MYG1: variants seen among roughly 807,000 people sequenced by gnomAD.
MYG1 encodes MYG1 exonuclease, also known as UPF0160 protein MYG1, mitochondrial.
Under a neutral mutation model 43.5 loss-of-function variants are expected in MYG1, and 36 were observed. The observed-to-expected ratio is 0.83, with a 90% CI of 0.63 to 1.09. The LOEUF (loss-of-function observed/expected upper bound fraction) is 1.09. Ranked by LOEUF, MYG1 falls within the 50% of genes least tolerant of loss-of-function variation. The pLI, the probability that MYG1 is intolerant of heterozygous loss-of-function variation, is 0.00. For missense variants in MYG1, 529 were observed against 495.1 expected, an observed-to-expected ratio of 1.07 and a Z score of -0.65; for synonymous variants, 220 against 202.8, an observed-to-expected ratio of 1.08 and a Z score of -0.72.
Position 53,299,806 on chromosome 12 carries a change from C to G in MYG1, c.69C>G (p.His23Gln), listed in dbSNP as rs772285267. 2.5e-6 allele frequency: 4 copies of G among 1,614,164 alleles called. No homozygotes were observed. Among genetic ancestry groups the G allele is most frequent in the Non-Finnish European group, 3.4e-6 (4 of 1,180,014 alleles). The change falls in exon 1 of 7, where the codon CAC becomes CAG. Residue 23 changes from histidine to glutamine, a missense_variant. Coordinates refer to ENST00000267103, the MANE Select transcript of MYG1 (RefSeq NM_021640.4). Reference protein sequence around the residue: ...LLPPPPLYTRHRMLGPESVPP... With the variant: ...LLPPPPLYTRQRMLGPESVPP... ...CGCCGCCACCCCTGTATACCCGGCA[C>G]CGCATGCTCGGTCCAGAGTCCGTCC...
Position 53,306,716 on chromosome 12 carries a change from G to A in MYG1, c.802G>A (p.Gly268Ser), listed in dbSNP as rs1944286479. Reference protein sequence around the residue: ...PSGEIVELAKGACPWKEHLYH... With the variant: ...PSGEIVELAKSACPWKEHLYH... Reference sequence around the variant, plus strand: ...TGGAGAGATTGTGGAACTGGCGAAAGGTGCATGTCCCTGGAAGGAGCATCT... The same window carrying A: ...TGGAGAGATTGTGGAACTGGCGAAAAGTGCATGTCCCTGGAAGGAGCATCT... Residue 268 changes from glycine to serine, a missense_variant, in exon 6 of 7, where the codon GGT (glycine) becomes AGT (serine). Coordinates refer to ENST00000267103, the MANE Select transcript of MYG1 (RefSeq NM_021640.4). The A allele has an allele frequency of 3.7e-6, 6 of 1,614,118 alleles. No homozygotes were observed. Among genetic ancestry groups the A allele is most frequent in the Non-Finnish European group, 5.1e-6 (6 of 1,179,984 alleles).
rs780442627 is a variant in MYG1, at chr12:53,300,220, G to A, written c.287G>A (p.Gly96Asp). The change falls in exon 2 of 7, where the codon GGC becomes GAC. Residue 96 changes from glycine to aspartate, a missense_variant. Gly to Asp is a moderately conservative substitution (Grantham distance 94). Transcript: ENST00000267103. ...ASCDIVVDVG[G>D]EYDPRRHRYD... is the part of the protein sequence containing the mutation. ...TGTGACATCGTGGTGGACGTGGGGG[G>A]CGAGTACGACCCTCGGAGACACCGA... 1.9e-6 allele frequency: 3 copies of A among 1,604,022 alleles called. No homozygotes were observed. Among genetic ancestry groups the A allele is most frequent in the African/African-American group, 1.3e-5 (1 of 74,572 alleles).
rs1019734781 is a variant in MYG1 at position 53,299,697 on chromosome 12, C to A, written c.-41C>A. On this transcript the variant is annotated 5_prime_UTR_variant, in exon 1 of 7. Transcript: ENST00000267103. ...AAGTGGGGCTGCGCTGGCGCTTCCT[C>A]TTCCGGGTCGGCGCTCCTGCCTCCC... 7 of 1,555,814 alleles carry A rather than the reference C, an allele frequency of 4.5e-6. No homozygotes were observed. Among genetic ancestry groups the A allele is most frequent in the South Asian group, 1.2e-5 (1 of 86,838 alleles).
At chr12:53,304,816 AAACT>A (rs1944258692) in intron 3 of MYG1, among the ~76,000 whole-genome samples, 1 of 1,514 alleles carries the variant, frequency 6.6e-4, no homozygotes, top group Non-Finnish European at 8.5e-3. Context: ...CTGGACTCAA[AAACT>A]CCTGGGCTCA....
chr12:53,301,043 C>T (rs1172584751), intron 2 of MYG1, among the ~76,000 whole-genome samples: 2 of 152,046 alleles, frequency 1.3e-5, no homozygotes, highest in African/African-American at 4.8e-5. Flanking sequence ...TCTCAGCCTC[C>T]CGAGTAGCTG....
intron 3 of MYG1, among the ~76,000 whole-genome samples, chr12:53,304,859 A>ATTTTT (rs1944259027): frequency 2.8e-5 from 3 of 108,000 alleles, no homozygotes; most frequent in African/African-American, 1.1e-4. Context: ...GCCTAAACCC[A>ATTTTT]TGTTTTTTTT....
intron 2 of MYG1, 33 bp from the exon 3 acceptor site, chr12:53,303,001 C>T: frequency 6.4e-7 from 1 of 1,557,178 alleles, no homozygotes; most frequent in Non-Finnish European, 8.7e-7. Context: ...GCCAAGGTCC[C>T]TCACCTCAGC....
intron 2 of MYG1, among the ~76,000 whole-genome samples, chr12:53,300,904 G>A (rs1944225131): frequency 6.6e-6 from 1 of 151,546 alleles, no homozygotes; most frequent in Non-Finnish European, 1.5e-5. Context: ...TTTCTTCTCT[G>A]GGATTCTTTT....
intron 1 of MYG1, 83 bp from the exon 2 acceptor site, chr12:53,300,067 A>G: frequency 1.3e-6 from 2 of 1,520,736 alleles, no homozygotes; most frequent in South Asian, 2.4e-5. Flanking sequence ...CACCCTTCCT[A>G]CCCTTCCTGC....
In MYG1 at chr12:53,307,114, T is replaced by G; in HGVS notation, c.1096T>G (p.Leu366Val). The change falls in exon 7 of 7, where the codon TTG becomes GTG. Residue 366 changes from leucine to valine, a missense_variant. Transcript: ENST00000267103. ...EGALSMARATLAQRSYLPQIS is the reference protein window; with the variant it reads ...EGALSMARATVAQRSYLPQIS ...TGCCTTGAGCATGGCCCGTGCCACC[T>G]TGGCCCAGCGCTCATACCTCCCACA... 1 of 1,613,586 alleles carries G rather than the reference T, an allele frequency of 6.2e-7. No homozygotes were observed. Among genetic ancestry groups the G allele is most frequent in the Non-Finnish European group, 8.5e-7 (1 of 1,179,686 alleles).
At chr12:53,300,479 G>T (rs1430293959) in intron 2 of MYG1, among the ~76,000 whole-genome samples, 1 of 152,078 alleles carries the variant, frequency 6.6e-6, no homozygotes, top group Non-Finnish European at 1.5e-5. Context: ...AGTCCCTCAG[G>T]CCCCTTATCT....
rs1197068009 is a variant in MYG1, at chr12:53,307,036, T to A, written c.1018T>A (p.Cys340Ser). ...GGACCAGGTCAGTGGGATCCCTGGCTGCATCTTCGTCCATGCAAGCGGCTT... is the reference window on the plus strand; with the variant it reads ...GGACCAGGTCAGTGGGATCCCTGGCAGCATCTTCGTCCATGCAAGCGGCTT... ...ALDQVSGIPG[C>S]IFVHASGFTG... The change falls in exon 7 of 7, where the codon TGC (cysteine) becomes AGC (serine). Residue 340 changes from cysteine to serine, a missense_variant. Physicochemically the swap from Cys to Ser is moderately radical, Grantham distance 112. Coordinates refer to ENST00000267103, the MANE Select transcript of MYG1 (RefSeq NM_021640.4). The A allele has an allele frequency of 8.7e-6, 14 of 1,614,146 alleles. No homozygotes were observed. The highest frequency in any genetic ancestry group is 1.3e-5 in the African/African-American group (1 of 74,960).
chr12:53,301,770 C>T (rs1454471458), intron 2 of MYG1, among the ~76,000 whole-genome samples: 1 of 152,120 alleles, frequency 6.6e-6, no homozygotes, highest in African/African-American at 2.4e-5. Flanking sequence ...CTCACTGCAA[C>T]CTCCGTCTGC....
In MYG1 at chr12:53,299,840, A is replaced by G. The variant is rs776620926; in HGVS notation, c.103A>G (p.Lys35Glu). ...CGGTCCAGAGTCCGTCCCGCCCCCAAAACGATCCCGCAGCAAACTCATGGC... is the reference window on the plus strand; with the variant it reads ...CGGTCCAGAGTCCGTCCCGCCCCCAGAACGATCCCGCAGCAAACTCATGGC... ...MLGPESVPPP[K>E]RSRSKLMAPP... The change falls in exon 1 of 7, where the codon AAA becomes GAA. Residue 35 changes from lysine to glutamate, a missense_variant. Transcript: ENST00000267103. 2.7e-5 allele frequency: 44 copies of G among 1,613,932 alleles called. No individual in the cohort carries two copies. The highest frequency in any genetic ancestry group is 3.3e-5 in the Non-Finnish European group (39 of 1,179,994).
In MYG1 at chr12:53,306,966, G is replaced by C; in HGVS notation, c.948G>C (p.Arg316=). Residue 316 remains arginine (R), a splice_region_variant and synonymous_variant, in exon 7 of 7, where the codon CGG becomes CGC. Transcript: ENST00000267103. The stretch of plus-strand genomic sequence containing the variant: ...TGCTGTACTCCCTCTTTCTGCCCAG[G>C]CTGCCCCTGCCAGAGCCATGGCGGG... The part of the protein sequence containing the change: ...VPKEPHSFQS[R]LPLPEPWRGL... 6.2e-7 allele frequency: 1 copy of C among 1,613,188 alleles called. No homozygotes were observed. The highest frequency in any genetic ancestry group is 1.1e-5 in the South Asian group (1 of 90,992).
At chr12:53,306,497 C>T in intron 5 of MYG1, 177 bp downstream of exon 5, 1 of 1,066,710 alleles carries the variant, frequency 9.4e-7, no homozygotes. Flanking sequence ...GCACACACCA[C>T]CTCACCCAGC....
At chr12:53,306,506 G>C (rs1944283355) in intron 5 of MYG1, 174 bp from the exon 6 acceptor site, 2 of 1,072,030 alleles carry the variant, frequency 1.9e-6, no homozygotes, top group East Asian at 2.5e-5. Flanking sequence ...ACCTCACCCA[G>C]CTAATTTTTG....
intron 2 of MYG1, among the ~76,000 whole-genome samples, chr12:53,300,598 C>T (rs909602352): frequency 2.0e-5 from 3 of 152,248 alleles, no homozygotes; most frequent in Non-Finnish European, 4.4e-5. Context: ...CTGCACCTAA[C>T]TGCTGGGCCC....
At chr12:53,303,734 G>A (rs906674202) in intron 3 of MYG1, 4 of 153,800 alleles carry the variant, frequency 2.6e-5, no homozygotes, top group Non-Finnish European at 4.3e-5. Context: ...GCCCTGGCAT[G>A]CAAGTCAGGT....
Sources: gnomAD v4.1 joint callset for allele counts (sites outside exome capture counted in the v4.1 genomes callset) on GRCh38, gnomAD v4.1.1 for gene constraint, MANE v1.5 for transcripts, NCBI Gene and HGNC (gene_info 2026-07-23, HGNC 2026-07-21) for gene names.